The following DGKG variants were observed in gnomAD, a reference collection of about 807,000 sequenced individuals.
DGKG encodes the protein DAG kinase gamma.
Under a neutral mutation model 105.3 loss-of-function variants are expected in DGKG, and 78 were observed. The observed-to-expected ratio is 0.74, with a 90% CI of 0.62 to 0.89. The LOEUF is 0.89. Among genes scored for constraint, DGKG ranks in the 40% least tolerant of loss-of-function variants. The pLI is 0.00. For missense variants in DGKG, 958 were observed against 1,020.1 expected (o/e 0.94, Z 0.83); for synonymous variants, 346 against 367.1 (o/e 0.94, Z 0.66).
At chr3:186,223,886 C>T (rs564964383) in intron 20 of DGKG, among the ~76,000 whole-genome samples, 2 of 152,300 alleles carry the variant, frequency 1.3e-5, no homozygotes, top group South Asian at 4.2e-4. Context: ...TCTCTGACTG[C>T]AATCTCTAAG....
intron 19 of DGKG, among the ~76,000 whole-genome samples, chr3:186,244,288 CA>C (rs531908047): frequency 6.6e-6 from 1 of 152,156 alleles, no homozygotes; most frequent in East Asian, 1.9e-4. Context: ...AGGAGTCCAG[CA>C]GCCCACATCT....
chr3:186,340,373 C>A (rs190861194), intron 1 of DGKG, among the ~76,000 whole-genome samples: 26 of 152,264 alleles, frequency 1.7e-4, no homozygotes, highest in East Asian at 5.8e-4. Flanking sequence ...GGGAGAAGAG[C>A]ACAGAGTTAG....
chr3:186,355,183 C>A (rs1560170428), intron 1 of DGKG, among the ~76,000 whole-genome samples: 2,441 of 31,022 alleles, frequency 0.079, 101 homozygotes, highest in African/African-American at 0.27. Context: ...CAACTATCAC[C>A]ACCACCATCA....
At chr3:186,336,252 G>A (rs562575816) in intron 1 of DGKG, among the ~76,000 whole-genome samples, 6 of 152,072 alleles carry the variant, frequency 3.9e-5, no homozygotes, top group South Asian at 4.2e-4. Flanking sequence ...GATCCCAAGC[G>A]TACTCCCTAA....
chr3:186,344,682 A>AC (rs577872440), intron 1 of DGKG, among the ~76,000 whole-genome samples: 1 of 151,732 alleles, frequency 6.6e-6, no homozygotes, highest in Non-Finnish European at 1.5e-5. Context: ...CTGTACAACA[A>AC]CCCCCCATGA....
intron 11 of DGKG, among the ~76,000 whole-genome samples, chr3:186,270,744 T>C (rs1161031056): frequency 6.6e-6 from 1 of 152,228 alleles, no homozygotes. Flanking sequence ...TAGCCAGGTC[T>C]TCTGACCCCA....
At chr3:186,233,396 G>C (rs1369743004) in intron 20 of DGKG, among the ~76,000 whole-genome samples, 1 of 152,196 alleles carries the variant, frequency 6.6e-6, no homozygotes, top group East Asian at 1.9e-4. Flanking sequence ...ATGTAGCCCT[G>C]ATGGCACCTT....
At chr3:186,287,516 C>A (rs1242344629) in intron 6 of DGKG, among the ~76,000 whole-genome samples, 1 of 152,174 alleles carries the variant, frequency 6.6e-6, no homozygotes, top group African/African-American at 2.4e-5. Context: ...CATTTCTTTG[C>A]ATGGTCATTA....
At chr3:186,259,187 T>C (rs6444118) in intron 16 of DGKG, among the ~76,000 whole-genome samples, 7,786 of 152,280 alleles carry the variant, frequency 0.051, 283 homozygotes, top group Non-Finnish European at 0.078. Flanking sequence ...GACATGCGCA[T>C]GAGAGACCCT....
chr3:186,155,016 C>T (rs568796684), intron 24 of DGKG, among the ~76,000 whole-genome samples: 1 of 152,110 alleles, frequency 6.6e-6, no homozygotes, highest in Non-Finnish European at 1.5e-5. Flanking sequence ...GGAGAAGATT[C>T]TGAATTTTGA....
chr3:186,210,048 G>A lies in DGKG; in HGVS notation c.1917+1747C>T, dbSNP rs188150681. 5.9e-5 allele frequency among the ~76,000 whole-genome samples: 9 copies of A among 152,166 alleles called. No individual in the cohort carries two copies. The highest frequency in any genetic ancestry group is 1.9e-4 in the East Asian group (1 of 5,182). On this transcript the variant is annotated intron_variant, in intron 21 of 24. Transcript: ENST00000265022. This position sits in a 1 kb window ranked among gnomAD's most constrained non-coding sequence, Gnocchi z 5.2. ...AGAGGCCACCAGTGTCTTTAGCAAC[G>A]AGGCCCCCTCTGCGGTTGAGGAAGA...
chr3:186,285,409 C>T (rs943196897), intron 6 of DGKG, among the ~76,000 whole-genome samples: 5 of 152,146 alleles, frequency 3.3e-5, no homozygotes, highest in Admixed American at 6.5e-5. Context: ...GTAGTTATTA[C>T]GGAAGCCATC....
chr3:186,302,502 ATATACATATGTG>A (rs1723998720), intron 3 of DGKG, among the ~76,000 whole-genome samples: 3 of 8,214 alleles, frequency 3.7e-4, no homozygotes, highest in Non-Finnish European at 7.7e-4. Flanking sequence ...ATATATATAT[ATATACATATGTG>A]TATATATATA....
At chr3:186,263,995 A>T (rs1721917123) in intron 14 of DGKG, among the ~76,000 whole-genome samples, 1 of 152,246 alleles carries the variant, frequency 6.6e-6, no homozygotes, top group Admixed American at 6.5e-5. Context: ...TGATGCCCAG[A>T]AGCATCTTGG....
chr3:186,147,268 G>C lies in DGKG; in HGVS notation c.*2822C>G. 4 of 985,954 alleles carry C rather than the reference G, an allele frequency of 4.1e-6. No individual in the cohort carries two copies. Among genetic ancestry groups the C allele is most frequent in the Non-Finnish European group, 4.8e-6 (4 of 830,006 alleles). 61.1% of individuals were successfully genotyped at this position (985,954 alleles called of 1,614,324 possible). A position where few individuals can be genotyped will look rare whatever the true frequency, so the allele number is the denominator to read the frequency against. On this transcript the variant is annotated 3_prime_UTR_variant, in exon 25 of 25. Transcript: ENST00000265022. The stretch of plus-strand genomic sequence containing the variant: ...GGGGGCAGGTGAGAACATGTTTGTA[G>C]CATGGCCAGAATCAGAATAAGATAA...
chr3:186,227,758 A>G (rs950123661), intron 20 of DGKG, among the ~76,000 whole-genome samples: 3 of 152,052 alleles, frequency 2.0e-5, no homozygotes, highest in African/African-American at 7.2e-5. Context: ...TTACCTTTTC[A>G]CCTTGTTTTT....
intron 2 of DGKG, among the ~76,000 whole-genome samples, chr3:186,314,123 T>C (rs1451532937): frequency 6.6e-6 from 1 of 152,026 alleles, no homozygotes; most frequent in Non-Finnish European, 1.5e-5. Flanking sequence ...TCTCTTTAAT[T>C]ACATCTTAAA....
chr3:186,318,885 G>T (rs910931316), intron 2 of DGKG, among the ~76,000 whole-genome samples: 2 of 152,138 alleles, frequency 1.3e-5, no homozygotes, highest in African/African-American at 4.8e-5. Context: ...CTTGGTTTTT[G>T]ATCCCCTTCT....
intron 20 of DGKG, among the ~76,000 whole-genome samples, chr3:186,230,853 G>T (rs1720118115): frequency 6.6e-6 from 1 of 152,190 alleles, no homozygotes; most frequent in African/African-American, 2.4e-5. Flanking sequence ...ATCTGGGTGG[G>T]GACCTGGTGG....
Sources: gnomAD v4.1 joint callset for allele counts (sites outside exome capture counted in the v4.1 genomes callset) on GRCh38, gnomAD v4.1.1 for gene constraint, Gnocchi (gnomAD v3.1) non-coding constraint, MANE v1.5 for transcripts, NCBI Gene and HGNC (gene_info 2026-07-23, HGNC 2026-07-21) for gene names.